The following LNPK variants were observed in gnomAD, a reference collection of about 807,000 sequenced individuals.
LNPK encodes endoplasmic reticulum junction formation protein lunapark.
LNPK carries 29 observed loss-of-function variants against 55.2 expected under a neutral mutation model. The ratio of observed to expected loss-of-function variants is 0.53; its 90% CI spans 0.39 to 0.72. The LOEUF (loss-of-function observed/expected upper bound fraction) is 0.72, where lower values mean the gene tolerates loss of function less well. Among genes scored for constraint, LNPK ranks in the 30% least tolerant of loss-of-function variants. The pLI, the probability that LNPK is intolerant of heterozygous loss-of-function variation, is 0.00. For missense variants in LNPK, 467 were observed against 494.8 expected (o/e 0.94, Z 0.53); for synonymous variants, 162 against 168.2 (o/e 0.96, Z 0.29).
At chr2:175,976,054 A>G (rs1247654695) in intron 5 of LNPK, among the ~76,000 whole-genome samples, 2 of 152,104 alleles carry the variant, frequency 1.3e-5, no homozygotes, top group African/African-American at 4.8e-5. Flanking sequence ...GGTTCAGGGA[A>G]CTTGTTTGTA....
chr2:175,945,550 C>T (rs1222049217), intron 9 of LNPK, among the ~76,000 whole-genome samples: 1 of 146,924 alleles, frequency 6.8e-6, no homozygotes, highest in Non-Finnish European at 1.5e-5. Context: ...AGCTAAGTTA[C>T]TGGTTTACTT....
chr2:175,988,720 C>T (rs935966957), intron 4 of LNPK, among the ~76,000 whole-genome samples: 6 of 152,050 alleles, frequency 3.9e-5, no homozygotes, highest in African/African-American at 1.4e-4. Flanking sequence ...TTGGGGCATA[C>T]AACTCAAAAC....
intron 4 of LNPK, among the ~76,000 whole-genome samples, chr2:175,985,498 T>G (rs1377268977): frequency 2.0e-5 from 3 of 152,218 alleles, no homozygotes; most frequent in African/African-American, 7.2e-5. Context: ...CCTTTTACTT[T>G]GTGGTACATT....
intron 9 of LNPK, among the ~76,000 whole-genome samples, chr2:175,946,115 A>G (rs1022481278): frequency 2.0e-5 from 3 of 152,198 alleles, no homozygotes; most frequent in Admixed American, 2.0e-4. Context: ...AAAACATGTT[A>G]TATTTACATG....
rs1478213728 is a variant in LNPK at position 175,929,273 on chromosome 2, CTAAT to C, written c.*690_*693del. On this transcript the variant is annotated 3_prime_UTR_variant, in exon 13 of 13. Coordinates refer to ENST00000272748, the MANE Select transcript of LNPK (RefSeq NM_030650.3). ...CTATATGCTAGTGTGTAAATATAAA[CTAAT>C]TATATACATAATGTGCCTTTGGCCC... The C allele has an allele frequency of 3.1e-6, 3 of 962,658 alleles. No individual in the cohort carries two copies. Among genetic ancestry groups the C allele is most frequent in the East Asian group, 2.3e-4 (2 of 8,698 alleles). 59.6% of individuals were successfully genotyped at this position (962,658 alleles called of 1,614,324 possible). A position where few individuals can be genotyped will look rare whatever the true frequency, so the allele number is the denominator to read the frequency against.
intron 1 of LNPK, among the ~76,000 whole-genome samples, chr2:175,998,099 T>A (rs1470893017): frequency 1.3e-5 from 2 of 152,028 alleles, no homozygotes; most frequent in Non-Finnish European, 2.9e-5. Flanking sequence ...ATTTTACAAA[T>A]GAGAAATCTA....
chr2:175,977,316 T>C (rs558277283), intron 5 of LNPK, among the ~76,000 whole-genome samples: 1 of 152,294 alleles, frequency 6.6e-6, no homozygotes, highest in East Asian at 1.9e-4. Context: ...AATCCAGTTC[T>C]TCATTTACAC....
chr2:175,981,644 A>T (rs904911891), intron 4 of LNPK, among the ~76,000 whole-genome samples: 13 of 152,242 alleles, frequency 8.5e-5, no homozygotes, highest in Non-Finnish European at 1.6e-4. Flanking sequence ...CAGAATGAAG[A>T]AAGTCAGGGG....
chr2:175,982,972 C>G (rs1308175144), intron 4 of LNPK, among the ~76,000 whole-genome samples: 2 of 152,082 alleles, frequency 1.3e-5, no homozygotes, highest in East Asian at 1.9e-4. Context: ...TCTGGTAAAA[C>G]AGAGATATAA....
chr2:175,938,137 A>C (rs1234809020), intron 11 of LNPK, among the ~76,000 whole-genome samples, 176 bp downstream of exon 11: 1 of 152,184 alleles, frequency 6.6e-6, no homozygotes, highest in Non-Finnish European at 1.5e-5. Context: ...TACATTATAT[A>C]GGAAGAAACC....
chr2:175,942,700 T>G (rs181565868), intron 9 of LNPK, among the ~76,000 whole-genome samples: 7 of 151,772 alleles, frequency 4.6e-5, no homozygotes, highest in Admixed American at 3.9e-4. Context: ...AAATTTATAA[T>G]ATTAAACACC....
At chr2:175,979,297 G>A (rs762070911) in intron 5 of LNPK, among the ~76,000 whole-genome samples, 1 of 151,990 alleles carries the variant, frequency 6.6e-6, no homozygotes, top group African/African-American at 2.4e-5. Flanking sequence ...CATTGCTCAC[G>A]CCTGTAATCC....
chr2:175,954,974 T>C (rs979679446), intron 8 of LNPK, among the ~76,000 whole-genome samples: 4 of 151,882 alleles, frequency 2.6e-5, no homozygotes, highest in Admixed American at 2.6e-4. Flanking sequence ...TACTATAGAG[T>C]GAAGTGAGGA....
At chr2:175,941,267 A>ATATATTTATATTTATATTTATATT (rs71004250) in intron 9 of LNPK, among the ~76,000 whole-genome samples, 10,699 of 144,038 alleles carry the variant, frequency 0.074, 557 homozygotes, top group Non-Finnish European at 0.11. Flanking sequence ...AAGCAGCCTA[A>ATATATTTATATTTATATTTATATT]TATATTTATA....
intron 6 of LNPK, among the ~76,000 whole-genome samples, chr2:175,970,285 G>C (rs563010673): frequency 6.6e-6 from 1 of 152,226 alleles, no homozygotes; most frequent in East Asian, 1.9e-4. Context: ...CTGATAGAAA[G>C]TGGAAAACTC....
chr2:176,000,979 A>C (rs929963702), intron 1 of LNPK, among the ~76,000 whole-genome samples: 37 of 152,324 alleles, frequency 2.4e-4, no homozygotes, highest in Admixed American at 9.1e-4. Context: ...AAATGTTTCT[A>C]TGTGAAGTCA....
At chr2:175,966,177 C>T (rs536082220) in intron 6 of LNPK, among the ~76,000 whole-genome samples, 4 of 152,264 alleles carry the variant, frequency 2.6e-5, no homozygotes, top group Non-Finnish European at 4.4e-5. Flanking sequence ...CGATTCTCTG[C>T]CTCAGGCTCC....
At chr2:175,951,499 T>C (rs1455196869) in intron 8 of LNPK, among the ~76,000 whole-genome samples, 1 of 150,558 alleles carries the variant, frequency 6.6e-6, no homozygotes, top group East Asian at 1.9e-4. Flanking sequence ...TTACTTCACT[T>C]AGAGTAATAG....
rs1684173037 is a variant in LNPK, at chr2:175,929,764, T to A, written c.*203A>T. On this transcript the variant is annotated 3_prime_UTR_variant, in exon 13 of 13. Coordinates refer to ENST00000272748, the MANE Select transcript of LNPK (RefSeq NM_030650.3). Reference sequence around the variant, plus strand: ...GTGGGTCTTTGTACATTCAAAAGGATCTTACTTCACTGATATAACTTGCTT... The same window carrying A: ...GTGGGTCTTTGTACATTCAAAAGGAACTTACTTCACTGATATAACTTGCTT... 1.4e-6 allele frequency: 2 copies of A among 1,411,276 alleles called. No homozygotes were observed. Among genetic ancestry groups the A allele is most frequent in the East Asian group, 2.6e-5 (1 of 39,198 alleles). The allele number at this position is 1,411,276 out of a possible 1,614,324, so 87.4% of individuals were successfully genotyped here.
Sources: allele counts gnomAD v4.1 joint callset (sites outside exome capture counted in the v4.1 genomes callset), GRCh38; gene constraint gnomAD v4.1.1; transcripts MANE v1.5; gene names NCBI Gene and HGNC (gene_info 2026-07-23, HGNC 2026-07-21).